The following SDK1 variants were observed in gnomAD, a reference collection of about 807,000 sequenced individuals.
SDK1 encodes the protein protein sidekick-1.
A neutral mutation model predicts 245.5 loss-of-function variants in SDK1; 157 were observed. The observed-to-expected ratio is 0.64, with a 90% CI of 0.56 to 0.73. The LOEUF is 0.73. Among genes scored for constraint, SDK1 ranks in the 30% least tolerant of loss-of-function variants. The pLI, the probability that SDK1 is intolerant of heterozygous loss-of-function variation, is 0.00. For synonymous variants in SDK1, 1,647 were observed against 1,278.5 expected, an observed-to-expected ratio of 1.29 and a Z score of -6.15; for missense variants, 3,583 against 3,002.3, an observed-to-expected ratio of 1.19 and a Z score of -4.52.
At chr7:3,678,213 G>A (rs956641345) in intron 4 of SDK1, among the ~76,000 whole-genome samples, 1 of 152,222 alleles carries the variant, frequency 6.6e-6, no homozygotes, top group Admixed American at 6.5e-5. Context: ...CACCGTGGAA[G>A]ACCGTTGGTT....
rs555870667 is a variant in SDK1, at chr7:3,436,415, C to T, written c.298+134531C>T. 3.9e-5 allele frequency among the ~76,000 whole-genome samples: 6 copies of T among 152,138 alleles called. No individual in the cohort carries two copies. In the East Asian group the frequency reaches 7.7e-4, roughly 20 times the overall value. On this transcript the variant is annotated intron_variant, in intron 1 of 44. Coordinates refer to ENST00000404826, the MANE Select transcript of SDK1 (RefSeq NM_152744.4). ...TCAATACATTTTAGATTTTATATTT[C>T]CCTGAACCTCTTCTGCTGTATTAAT...
intron 35 of SDK1, among the ~76,000 whole-genome samples, chr7:4,187,861 A>G (rs532256077): frequency 6.6e-6 from 1 of 152,158 alleles, no homozygotes; most frequent in East Asian, 1.9e-4. Flanking sequence ...TCCTAGTTGT[A>G]TTGGTTTTCA....
chr7:4,067,078 C>T (rs1030814431), intron 19 of SDK1, among the ~76,000 whole-genome samples: 12 of 152,186 alleles, frequency 7.9e-5, no homozygotes, highest in African/African-American at 2.4e-4. Context: ...TGTTTTATTA[C>T]AATTTATTCT....
intron 4 of SDK1, among the ~76,000 whole-genome samples, chr7:3,756,873 G>A (rs953347473): frequency 3.3e-5 from 5 of 152,084 alleles, no homozygotes; most frequent in African/African-American, 9.7e-5. Flanking sequence ...ATATCATATC[G>A]GGGGCACCGG....
chr7:3,497,177 A>T (rs888395256), intron 1 of SDK1, among the ~76,000 whole-genome samples: 1 of 152,158 alleles, frequency 6.6e-6, no homozygotes, highest in African/African-American at 2.4e-5. Context: ...TAGTTAGAAG[A>T]ATGCTCCAAC....
chr7:3,900,884 C>T (rs1781765014), intron 5 of SDK1, among the ~76,000 whole-genome samples: 1 of 152,146 alleles, frequency 6.6e-6, no homozygotes, highest in Admixed American at 6.5e-5. Flanking sequence ...GAAAATTTCG[C>T]ATTGATTTAT....
chr7:4,124,927 G>A (rs1000933879), intron 25 of SDK1, among the ~76,000 whole-genome samples: 3 of 136,120 alleles, frequency 2.2e-5, no homozygotes, highest in Non-Finnish European at 4.5e-5. Context: ...TGGGTGGGTA[G>A]ATGGATGGAT....
At chr7:3,695,258 A>T (rs1784539770) in intron 4 of SDK1, among the ~76,000 whole-genome samples, 1 of 152,232 alleles carries the variant, frequency 6.6e-6, no homozygotes, top group African/African-American at 2.4e-5. Context: ...AAACACTTGC[A>T]GGAGGATAGG....
chr7:3,853,235 A>G (rs188649163), intron 5 of SDK1, among the ~76,000 whole-genome samples: 172 of 152,174 alleles, frequency 1.1e-3, no homozygotes, highest in African/African-American at 3.9e-3. Context: ...AAAGTAACCT[A>G]TTGCTCAGCC....
chr7:3,921,417 G>T (rs776692447), intron 5 of SDK1, among the ~76,000 whole-genome samples: 10 of 152,126 alleles, frequency 6.6e-5, no homozygotes, highest in Non-Finnish European at 1.0e-4. Context: ...AGACGGAATG[G>T]CAAATATTCT....
Position 4,198,875 on chromosome 7 carries a change from G to A in SDK1, c.5099-7004G>A, listed in dbSNP as rs375691617. Among the ~76,000 whole-genome samples the A allele has an allele frequency of 8.7e-5, 13 of 150,060 alleles. 1 individual carries two copies. Among genetic ancestry groups the A allele is most frequent in the Admixed American group, 4.6e-4 (7 of 15,056 alleles). ...GTCGCCCAGGCTGGAGTGCAGTGGC[G>A]TGATCTCGGCTCACTGCAACCTCCG... On this transcript the variant is annotated intron_variant, in intron 35 of 44. Transcript: ENST00000404826.
chr7:3,859,784 A>G lies in SDK1; in HGVS notation c.847+38201A>G, dbSNP rs76489995. 2.3e-3 allele frequency among the ~76,000 whole-genome samples: 355 copies of G among 152,302 alleles called. 6 individuals carry two copies. In the South Asian group the frequency reaches 0.028, roughly 12 times the overall value. Reference sequence around the variant, plus strand: ...CCACCACACCTGTGTCACTCACGTCACACTTCTCCAGATCCATTGCAAATA... The same window carrying G: ...CCACCACACCTGTGTCACTCACGTCGCACTTCTCCAGATCCATTGCAAATA... On this transcript the variant is annotated intron_variant, in intron 5 of 44. Transcript: ENST00000404826.
At chr7:3,698,493 C>A (rs1371104805) in intron 4 of SDK1, among the ~76,000 whole-genome samples, 1 of 152,166 alleles carries the variant, frequency 6.6e-6, no homozygotes, top group Non-Finnish European at 1.5e-5. Context: ...TCAGTGGTGA[C>A]AAGGGCCCTC....
intron 1 of SDK1, among the ~76,000 whole-genome samples, chr7:3,310,934 A>T (rs988602678): frequency 6.6e-6 from 1 of 152,206 alleles, no homozygotes; most frequent in Non-Finnish European, 1.5e-5. Flanking sequence ...GCTGATTGAT[A>T]TGATTGTAGG....
At chr7:4,237,580 C>T in intron 41 of SDK1, 67 bp from the exon 42 acceptor site, 1 of 1,588,668 alleles carries the variant, frequency 6.3e-7, no homozygotes, top group South Asian at 1.1e-5. Context: ...AACCACCTGA[C>T]TCGCGGGAGG....
At chr7:3,627,666 G>T (rs1349305389) in intron 2 of SDK1, among the ~76,000 whole-genome samples, 1 of 152,214 alleles carries the variant, frequency 6.6e-6, no homozygotes, top group Non-Finnish European at 1.5e-5. Flanking sequence ...GTGAGGAGGA[G>T]CTGTTGCTTT....
chr7:3,575,141 G>A (rs1010128839), intron 1 of SDK1, among the ~76,000 whole-genome samples: 1 of 152,072 alleles, frequency 6.6e-6, no homozygotes, highest in South Asian at 2.1e-4. Flanking sequence ...GTGGTTTAAG[G>A]CTGGGAAATC....
At chr7:3,768,233 C>G (rs1354707922) in intron 4 of SDK1, among the ~76,000 whole-genome samples, 1 of 152,208 alleles carries the variant, frequency 6.6e-6, no homozygotes, top group Non-Finnish European at 1.5e-5. Flanking sequence ...TACTTCTCCT[C>G]TACCACCTAA....
chr7:3,838,745 C>A (rs1780084773), intron 5 of SDK1, among the ~76,000 whole-genome samples: 1 of 152,176 alleles, frequency 6.6e-6, no homozygotes, highest in African/African-American at 2.4e-5. Flanking sequence ...CTCAGCAGTT[C>A]CAAGCTGTGT....
Sources: allele counts gnomAD v4.1 joint callset (sites outside exome capture counted in the v4.1 genomes callset), GRCh38; gene constraint gnomAD v4.1.1; transcripts MANE v1.5; gene names NCBI Gene and HGNC (gene_info 2026-07-23, HGNC 2026-07-21).